SAE1: variants seen among roughly 807,000 people sequenced by gnomAD.
The protein encoded by SAE1 is SUMO1 activating enzyme subunit 1.
Under a neutral mutation model 40.6 loss-of-function variants are expected in SAE1, and 11 were observed. The observed-to-expected ratio is 0.27, with a 90% CI of 0.17 to 0.45. SAE1 has a LOEUF of 0.45. SAE1 is among the 20% of genes least tolerant of loss of function. The pLI, the probability that SAE1 is intolerant of heterozygous loss-of-function variation, is 1.00. For missense variants in SAE1, 373 were observed against 427.3 expected, an observed-to-expected ratio of 0.87 and a Z score of 1.12; for synonymous variants, 155 against 154.3, an observed-to-expected ratio of 1.00 and a Z score of -0.03.
chr19:47,198,763 T>G (rs2058632934), intron 7 of SAE1, among the ~76,000 whole-genome samples: 2 of 152,192 alleles, frequency 1.3e-5, no homozygotes, highest in South Asian at 4.1e-4. Flanking sequence ...AGCAGTGGTC[T>G]TTGAAGCACC....
chr19:47,187,656 G>A, intron 6 of SAE1, among the ~76,000 whole-genome samples: 1 of 152,092 alleles, frequency 6.6e-6, no homozygotes, highest in East Asian at 1.9e-4. Context: ...CAAGTAGCTG[G>A]GACTACAGGT....
intron 6 of SAE1, among the ~76,000 whole-genome samples, chr19:47,172,778 A>T (rs76340530): frequency 6.6e-6 from 1 of 151,824 alleles, no homozygotes; most frequent in South Asian, 2.1e-4. Context: ...AAAAAAAAAA[A>T]AGAGAAAAGA....
chr19:47,181,475 C>G (rs1306972678), intron 6 of SAE1, among the ~76,000 whole-genome samples: 2 of 132,636 alleles, frequency 1.5e-5, no homozygotes, highest in South Asian at 4.6e-4. Context: ...TTTTTCTTTT[C>G]CTTTTTTTTT....
chr19:47,152,754 T>C (rs1234978670), intron 3 of SAE1, 144 bp from the exon 4 acceptor site: 10 of 675,960 alleles, frequency 1.5e-5, no homozygotes, highest in Non-Finnish European at 2.1e-5. Context: ...CTTCTAGCCA[T>C]AGGGCCCAAA....
chr19:47,197,322 G>T lies in SAE1; in HGVS notation c.823G>T (p.Asp275Tyr). Reference protein sequence around the residue: ...DSELLLQIRNDVLDSLGISPD... With the variant: ...DSELLLQIRNYVLDSLGISPD... ...TGAGTTGTTGCTCCAGATACGAAATGATGTGCTTGACTCACTGGGTATTAG... is the reference window on the plus strand; with the variant it reads ...TGAGTTGTTGCTCCAGATACGAAATTATGTGCTTGACTCACTGGGTATTAG... The change falls in exon 7 of 9, where the codon GAT becomes TAT. Residue 275 changes from aspartate to tyrosine, a missense_variant. Asp to Tyr is a radical substitution (Grantham distance 160). This residue lies in a region of SAE1 where 351 missense variants were observed against 390.6 expected (regional missense o/e 0.90). Transcript: ENST00000270225. 1.2e-6 allele frequency: 2 copies of T among 1,614,138 alleles called. No homozygotes were observed.
chr19:47,141,755 C>A (rs893111889), intron 1 of SAE1, among the ~76,000 whole-genome samples: 2 of 151,994 alleles, frequency 1.3e-5, no homozygotes, highest in Non-Finnish European at 2.9e-5. Context: ...CAAACTCTTA[C>A]CAGCAGAACT....
Position 47,185,067 on chromosome 19 carries a change from G to T in SAE1, c.734-12166G>T, listed in dbSNP as rs117201178. ...ACTCCTGACCTCGGGTGATCCACCC[G>T]CCTCGGCCTTCCAAGTACTGGGATT... On this transcript the variant is annotated intron_variant, in intron 6 of 8. Coordinates refer to ENST00000270225, the MANE Select transcript of SAE1 (RefSeq NM_005500.3). Among the ~76,000 whole-genome samples the T allele has an allele frequency of 1.5e-3, 223 of 151,674 alleles. 1 individual carries two copies. In the East Asian group the frequency reaches 0.038, roughly 26 times the overall value.
intron 7 of SAE1, among the ~76,000 whole-genome samples, chr19:47,202,909 C>CA (rs977786308): frequency 9.9e-5 from 15 of 151,980 alleles, no homozygotes; most frequent in African/African-American, 3.1e-4. Flanking sequence ...GACTCCGTCT[C>CA]AAAAAAAGTC....
intron 7 of SAE1, among the ~76,000 whole-genome samples, chr19:47,202,571 C>T: frequency 6.6e-6 from 1 of 151,872 alleles, no homozygotes; most frequent in African/African-American, 2.4e-5. Context: ...CAGGCATCAG[C>T]CACTGAGCCC....
intron 1 of SAE1, among the ~76,000 whole-genome samples, chr19:47,136,675 G>A (rs2058182421): frequency 6.6e-6 from 1 of 151,918 alleles, no homozygotes. Context: ...TTGTATTTTA[G>A]TAGAGACGGG....
At chr19:47,203,841 A>C in intron 8 of SAE1, 101 bp downstream of exon 8, 1 of 1,046,748 alleles carries the variant, frequency 9.6e-7, no homozygotes, top group Admixed American at 1.9e-5. Flanking sequence ...GCTTTCTCTC[A>C]CCCCATTCAT....
chr19:47,164,227 G>A (rs934142978), intron 5 of SAE1, among the ~76,000 whole-genome samples: 1 of 152,076 alleles, frequency 6.6e-6, no homozygotes, highest in Middle Eastern at 3.4e-3. Context: ...GGAGTGCAGT[G>A]GCGCAATCTC....
chr19:47,171,320 G>A (rs1157805893), intron 6 of SAE1, among the ~76,000 whole-genome samples: 1 of 150,472 alleles, frequency 6.6e-6, no homozygotes, highest in Non-Finnish European at 1.5e-5. Context: ...TGGAGACGGA[G>A]TCTAGCTCTG....
At chr19:47,199,838 T>G (rs1357086578) in intron 7 of SAE1, among the ~76,000 whole-genome samples, 4 of 151,838 alleles carry the variant, frequency 2.6e-5, no homozygotes, top group African/African-American at 4.8e-5. Context: ...TGAGTTACCA[T>G]GAGATCCAAG....
At chr19:47,174,612 T>G (rs142347692) in intron 6 of SAE1, among the ~76,000 whole-genome samples, 1,516 of 141,646 alleles carry the variant, frequency 0.011, 24 homozygotes, top group African/African-American at 0.038. Context: ...TCGCTCTGTC[T>G]CCCAGCCTGG....
At chr19:47,148,243 A>C (rs1473988366) in intron 2 of SAE1, among the ~76,000 whole-genome samples, 1 of 152,016 alleles carries the variant, frequency 6.6e-6, no homozygotes, top group Non-Finnish European at 1.5e-5. Context: ...TCCCTGAAGA[A>C]GCAGGATGGA....
intron 5 of SAE1, among the ~76,000 whole-genome samples, chr19:47,167,572 T>C (rs2058402185): frequency 6.6e-6 from 1 of 152,188 alleles, no homozygotes; most frequent in South Asian, 2.1e-4. Context: ...CAAATCTATA[T>C]GCATCCTTAG....
chr19:47,131,213 G>C, intron 1 of SAE1, 185 bp downstream of exon 1: 1 of 1,369,242 alleles, frequency 7.3e-7, no homozygotes, highest in South Asian at 1.7e-5. Flanking sequence ...GAAGGTCTGG[G>C]AAGTGGTTGG....
intron 5 of SAE1, among the ~76,000 whole-genome samples, chr19:47,160,388 A>AT (rs34266912): frequency 0.03 from 2,265 of 75,042 alleles, 56 homozygotes; most frequent in African/African-American, 0.055. Flanking sequence ...CGCCCAGCTA[A>AT]TTTTTTTTTT....
Sources: gnomAD v4.1 joint callset for allele counts (sites outside exome capture counted in the v4.1 genomes callset) on GRCh38, gnomAD v4.1.1 for gene constraint, gnomAD v4.1.1 regional missense constraint, MANE v1.5 for transcripts, NCBI Gene and HGNC (gene_info 2026-07-23, HGNC 2026-07-21) for gene names.